The following DCDC1 variants were observed in gnomAD, a reference collection of about 807,000 sequenced individuals.
DCDC1 encodes the protein doublecortin domain containing 1.
Under a neutral mutation model 178.3 loss-of-function variants are expected in DCDC1, and 200 were observed. The ratio of observed to expected loss-of-function variants is 1.12; its 90% confidence interval spans 1.00 to 1.26. The LOEUF is 1.26. Ranked by LOEUF, DCDC1 falls within the 50% of genes most tolerant of loss-of-function variation. DCDC1 has a pLI of 0.00. For synonymous variants in DCDC1, 690 were observed against 604.8 expected, an observed-to-expected ratio of 1.14 and a Z score of -2.07; for missense variants, 1,983 against 1,749.2, an observed-to-expected ratio of 1.13 and a Z score of -2.38.
intron 9 of DCDC1, among the ~76,000 whole-genome samples, chr11:31,234,603 C>T (rs979110846): frequency 1.3e-5 from 2 of 152,102 alleles, no homozygotes; most frequent in African/African-American, 4.8e-5. Context: ...AGTTGGTTTT[C>T]CTCCTACTAA....
At chr11:30,965,855 G>C (rs967046233) in intron 20 of DCDC1, among the ~76,000 whole-genome samples, 1 of 124,642 alleles carries the variant, frequency 8.0e-6, no homozygotes, top group African/African-American at 3.2e-5. Flanking sequence ...TGCGGTGTTT[G>C]GTTTTTTGTT....
intron 1 of DCDC1, among the ~76,000 whole-genome samples, chr11:31,347,446 T>G (rs1180983175): frequency 6.6e-6 from 1 of 152,146 alleles, no homozygotes; most frequent in Non-Finnish European, 1.5e-5. Context: ...AAAATTACCT[T>G]GATGTAATGG....
Position 30,900,386 on chromosome 11 carries a change from G to A in DCDC1, c.4623C>T (p.Ala1541=). The A allele has an allele frequency of 3.2e-6, 5 of 1,576,176 alleles. No individual in the cohort carries two copies. In the South Asian group the frequency reaches 3.6e-5, roughly 11 times the overall value. The change falls in exon 33 of 39, where the codon GCC becomes GCT. Residue 1541 remains alanine (A), a synonymous_variant. Transcript: ENST00000684477. ...LLTLILRNPI[A]IWVSCGEPFL... ...ATGGTTCACCACAAGACACCCAGAT[G>A]GCAATAGGATTTCTGAGGATGAGGG...
chr11:31,339,968 C>A (rs1950459700), intron 1 of DCDC1, among the ~76,000 whole-genome samples: 3 of 151,958 alleles, frequency 2.0e-5, no homozygotes, highest in Admixed American at 6.6e-5. Context: ...TGGGACTCAC[C>A]AAAGATTTAC....
At chr11:30,945,746 A>ATCTG (rs10566619) in intron 21 of DCDC1, among the ~76,000 whole-genome samples, 182 of 106,946 alleles carry the variant, frequency 1.7e-3, no homozygotes, top group Non-Finnish European at 2.1e-3. Context: ...CTATCTATCT[A>ATCTG]TCTGTCTGTC....
intron 9 of DCDC1, among the ~76,000 whole-genome samples, chr11:31,217,031 G>C (rs1022017270): frequency 6.6e-6 from 1 of 152,044 alleles, no homozygotes; most frequent in Non-Finnish European, 1.5e-5. Context: ...ATTACAAATG[G>C]GGTGAAAAGG....
chr11:31,145,752 A>G (rs548039099), intron 9 of DCDC1, among the ~76,000 whole-genome samples: 36 of 152,182 alleles, frequency 2.4e-4, no homozygotes, highest in Non-Finnish European at 4.3e-4. Context: ...TGTTTTGGAG[A>G]ATTCATAAAC....
chr11:31,304,622 A>T (rs1194409422), intron 6 of DCDC1, among the ~76,000 whole-genome samples: 1 of 152,138 alleles, frequency 6.6e-6, no homozygotes, highest in Non-Finnish European at 1.5e-5. Context: ...ACAACTTTAT[A>T]CAATAACATT....
chr11:31,137,628 G>A (rs756389941), intron 10 of DCDC1, 64 bp downstream of exon 10: 92 of 681,446 alleles, frequency 1.4e-4, no homozygotes, highest in African/African-American at 2.7e-4. Flanking sequence ...GATTACAGGC[G>A]TAAGCCACTG....
At chr11:31,199,008 C>A (rs1971002150) in intron 9 of DCDC1, among the ~76,000 whole-genome samples, 1 of 151,698 alleles carries the variant, frequency 6.6e-6, no homozygotes, top group Non-Finnish European at 1.5e-5. Flanking sequence ...CAATAAAAAA[C>A]CTGATTGATT....
At chr11:30,915,842 AC>A in intron 26 of DCDC1, 131 bp from the exon 27 acceptor site, 1 of 830,786 alleles carries the variant, frequency 1.2e-6, no homozygotes, top group Non-Finnish European at 1.9e-6. Context: ...GAAATGATAG[AC>A]CATATCATTA....
intron 9 of DCDC1, chr11:31,155,968 C>G (rs1965682228): frequency 6.6e-6 from 1 of 152,176 alleles, no homozygotes; most frequent in Admixed American, 6.6e-5. Context: ...GATTAGAACT[C>G]TTGATGACTG....
At chr11:31,227,593 T>C (rs1437137013) in intron 9 of DCDC1, among the ~76,000 whole-genome samples, 1 of 152,006 alleles carries the variant, frequency 6.6e-6, no homozygotes, top group African/African-American at 2.4e-5. Flanking sequence ...TTTAAAAAGA[T>C]AAAATGATAA....
At chr11:31,032,525 CA>C (rs1483648926) in intron 20 of DCDC1, among the ~76,000 whole-genome samples, 1 of 148,802 alleles carries the variant, frequency 6.7e-6, no homozygotes, top group Non-Finnish European at 1.5e-5. Context: ...TTGTATTATA[CA>C]ATTATGATAC....
At chr11:31,052,018 G>A (rs1027794244) in intron 20 of DCDC1, among the ~76,000 whole-genome samples, 3 of 152,196 alleles carry the variant, frequency 2.0e-5, no homozygotes, top group Non-Finnish European at 2.9e-5. Flanking sequence ...AACATTGAAT[G>A]TAAATGGCTG....
intron 34 of DCDC1, among the ~76,000 whole-genome samples, chr11:30,895,207 T>G (rs1346074966): frequency 1.3e-5 from 2 of 152,136 alleles, no homozygotes; most frequent in African/African-American, 4.8e-5. Context: ...CAGCTATGGG[T>G]GAGGTGTTGT....
chr11:31,108,849 T>C (rs910507675), intron 12 of DCDC1, among the ~76,000 whole-genome samples: 10 of 152,178 alleles, frequency 6.6e-5, no homozygotes, highest in Non-Finnish European at 1.5e-4. Context: ...CCCATTTATC[T>C]TTAAAGCTAT....
At chr11:31,040,533 T>G (rs1954373247) in intron 20 of DCDC1, among the ~76,000 whole-genome samples, 1 of 152,206 alleles carries the variant, frequency 6.6e-6, no homozygotes, top group Non-Finnish European at 1.5e-5. Context: ...AGTTACTGGT[T>G]GACACTAAAG....
At chr11:31,200,734 T>C (rs1245536279) in intron 9 of DCDC1, among the ~76,000 whole-genome samples, 1 of 152,048 alleles carries the variant, frequency 6.6e-6, no homozygotes, top group Non-Finnish European at 1.5e-5. Context: ...AGAAATAAGG[T>C]AACAAGCTCA....
Sources: gnomAD v4.1 joint callset for allele counts (sites outside exome capture counted in the v4.1 genomes callset) on GRCh38, gnomAD v4.1.1 for gene constraint, MANE v1.5 for transcripts, NCBI Gene and HGNC (gene_info 2026-07-23, HGNC 2026-07-21) for gene names.